Variants in ZNF112 observed in about 807,000 individuals in gnomAD.
The protein encoded by ZNF112 is zinc finger protein 112 (Y14).
Under a neutral mutation model 77.7 loss-of-function variants are expected in ZNF112, and 37 were observed. That is an observed-to-expected ratio of 0.48 (90% CI 0.37 to 0.63). The LOEUF is 0.63. Among genes scored for constraint, ZNF112 ranks in the 20% least tolerant of loss-of-function variants. The pLI is 0.00. For missense variants in ZNF112, 950 were observed against 1,077.4 expected (o/e 0.88, Z 1.66); for synonymous variants, 333 against 363.6 (o/e 0.92, Z 0.96).
rs144272607 is a variant in ZNF112 at position 44,333,749 on chromosome 19, T to C, written c.220+2874A>G. On this transcript the variant is annotated intron_variant, in intron 3 of 3. Coordinates refer to ENST00000354340, the MANE Select transcript of ZNF112 (RefSeq NM_013380.4). ...CCAGCCATGCTTCCTGTATAGCCTA[T>C]GGAACCATGAGTCAATTAAACCTCT... Among the ~76,000 whole-genome samples the C allele has an allele frequency of 6.6e-3, 1,002 of 152,330 alleles. 9 individuals carry two copies. Among genetic ancestry groups the C allele is most frequent in the Non-Finnish European group, 0.011 (747 of 68,020 alleles).
rs139847314 is a variant in ZNF112, at chr19:44,330,575, A to C, written c.221-639T>G. On this transcript the variant is annotated intron_variant, in intron 3 of 3. Coordinates refer to ENST00000354340, the MANE Select transcript of ZNF112 (RefSeq NM_013380.4). ...ACATGGTGAAACCCCATCTCTACTA[A>C]AAGTACAAAAATTAGCCAGGCGTGG... 1.3e-3 allele frequency among the ~76,000 whole-genome samples: 197 copies of C among 152,244 alleles called. 3 individuals are homozygous for C. The East Asian group carries it at 0.034, about 27-fold the overall frequency.
Position 44,329,285 on chromosome 19 carries a change from T to C in ZNF112, c.872A>G (p.Tyr291Cys), listed in dbSNP as rs1239622199. Residue 291 changes from tyrosine (Y) to cysteine (C), a missense_variant, in exon 4 of 4, where the codon TAT becomes TGT. Around this residue, in one of 3 missense-constraint regions of ZNF112, gnomAD observed 560 missense variants for 557.3 expected, o/e 1.00. Transcript: ENST00000354340. ...TTGATGAATATGAAGAAGTGAACTATAATTACAGCCCTTTCCACATGAACT... is the reference window on the plus strand; with the variant it reads ...TTGATGAATATGAAGAAGTGAACTACAATTACAGCCCTTTCCACATGAACT... Reference protein sequence around the residue: ...TYSSCGKGCNYSSLLHIHQNI... With the variant: ...TYSSCGKGCNCSSLLHIHQNI... 2 of 1,614,022 alleles carry C rather than the reference T, an allele frequency of 1.2e-6. No homozygotes were observed. The highest frequency in any genetic ancestry group is 1.7e-6 in the Non-Finnish European group (2 of 1,179,990).
Position 44,327,834 on chromosome 19 carries a change from C to A in ZNF112, c.2323G>T (p.Val775Leu). 1 of 1,614,004 alleles carries A rather than the reference C, an allele frequency of 6.2e-7. No homozygotes were observed. The highest frequency in any genetic ancestry group is 8.5e-7 in the Non-Finnish European group (1 of 1,179,910). ...HTGGKPYKCE[V>L]CTKGFSESSR... The stretch of plus-strand genomic sequence containing the variant: ...CTCTCACTGAAACCCTTTGTACACA[C>A]CTCACATTTGTATGGTTTCCCTCCT... Residue 775 changes from valine to leucine, a missense_variant, in exon 4 of 4, where the codon GTG (valine) becomes TTG (leucine). Coordinates refer to ENST00000354340, the MANE Select transcript of ZNF112 (RefSeq NM_013380.4).
intron 1 of ZNF112, among the ~76,000 whole-genome samples, chr19:44,349,834 A>C (rs2123202309): frequency 6.6e-6 from 1 of 152,208 alleles, no homozygotes; most frequent in South Asian, 2.1e-4. Context: ...CTGCTCTAAG[A>C]GTTGAGGACA....
At chr19:44,354,581 C>A (rs999941546) in intron 1 of ZNF112, among the ~76,000 whole-genome samples, 2 of 151,936 alleles carry the variant, frequency 1.3e-5, no homozygotes, top group Non-Finnish European at 2.9e-5. Flanking sequence ...AGGAATATAT[C>A]CAGGGGTTAT....
chr19:44,333,051 C>A (rs1970298753), intron 3 of ZNF112, among the ~76,000 whole-genome samples: 1 of 152,098 alleles, frequency 6.6e-6, no homozygotes, highest in South Asian at 2.1e-4. Flanking sequence ...ACAAAAGATG[C>A]CGAAGACATC....
chr19:44,361,047 A>G (rs149119609), upstream of ZNF112, among the ~76,000 whole-genome samples: 3,389 of 152,324 alleles, frequency 0.022, 126 homozygotes, highest in African/African-American at 0.077. Context: ...ATGCAATACC[A>G]TGATGACTCC....
At position 44,328,799 on chromosome 19, in the gene ZNF112, T is replaced by C; in HGVS notation, c.1358A>G (p.Gln453Arg). 6.2e-7 allele frequency: 1 copy of C among 1,614,110 alleles called. No individual in the cohort carries two copies. The highest frequency in any genetic ancestry group is 2.2e-5 in the East Asian group (1 of 44,880). ...GNGFSLASHF[Q>R]DLQIVHTKEQ... The stretch of plus-strand genomic sequence containing the variant: ...CTTAGTGTGGACTATCTGAAGGTCC[T>C]GAAAATGTGAGGCCAGACTGAAGCC... Residue 453 changes from glutamine to arginine, a missense_variant, in exon 4 of 4, where the codon CAG becomes CGG. Coordinates refer to ENST00000354340, the MANE Select transcript of ZNF112 (RefSeq NM_013380.4).
intron 1 of ZNF112, among the ~76,000 whole-genome samples, chr19:44,353,817 T>C (rs1568676938): frequency 2.0e-5 from 3 of 152,122 alleles, no homozygotes; most frequent in African/African-American, 7.2e-5. Context: ...TACTACAGTT[T>C]GGCATCTTAT....
chr19:44,334,976 G>A lies in ZNF112; in HGVS notation c.220+1647C>T, dbSNP rs193297789. ...GTGGAGCTGTGAGAAGAGGGCCACC[G>A]TCCTCCAGACCCCAGACCCACCAAC... is the stretch of plus-strand genomic sequence containing the variant. On this transcript the variant is annotated intron_variant, in intron 3 of 3. Transcript: ENST00000354340. 8.5e-5 allele frequency among the ~76,000 whole-genome samples: 13 copies of A among 152,314 alleles called. No individual in the cohort carries two copies. The East Asian group carries it at 1.4e-3, about 16-fold the overall frequency.
At chr19:44,348,499 G>T (rs1261293380) in intron 1 of ZNF112, among the ~76,000 whole-genome samples, 2 of 151,756 alleles carry the variant, frequency 1.3e-5, no homozygotes, top group Admixed American at 1.3e-4. Flanking sequence ...TTTTACTTCA[G>T]ATGTTATCTT....
In ZNF112 at chr19:44,327,210, C is replaced by G. The variant is rs932247651; in HGVS notation, c.*223G>C. Reference sequence around the variant, plus strand: ...ACTGTACTTTTATTAAATTCCTGACCATACTCATATTTTATAAGCCTTAGC... The same window carrying G: ...ACTGTACTTTTATTAAATTCCTGACGATACTCATATTTTATAAGCCTTAGC... On this transcript the variant is annotated 3_prime_UTR_variant, in exon 4 of 4. Transcript: ENST00000354340. 5 of 455,122 alleles carry G rather than the reference C, an allele frequency of 1.1e-5. No individual in the cohort carries two copies. Among genetic ancestry groups the G allele is most frequent in the African/African-American group, 9.8e-5 (5 of 51,028 alleles). 28.2% of individuals were successfully genotyped at this position (455,122 alleles called of 1,614,324 possible). A position where few individuals can be genotyped will look rare whatever the true frequency, so the allele number is the denominator to read the frequency against.
chr19:44,336,202 G>A (rs1970362021), intron 3 of ZNF112, among the ~76,000 whole-genome samples: 1 of 152,182 alleles, frequency 6.6e-6, no homozygotes, highest in South Asian at 2.1e-4. Context: ...TCCATCAGAT[G>A]AGAAACAGTA....
At chr19:44,342,801 C>T (rs758212837) in intron 1 of ZNF112, among the ~76,000 whole-genome samples, 1 of 145,414 alleles carries the variant, frequency 6.9e-6, no homozygotes. Flanking sequence ...GGCAACAGAG[C>T]GAGACTCCAT....
chr19:44,341,015 G>C (rs1970479481), intron 1 of ZNF112: 6 of 395,086 alleles, frequency 1.5e-5, no homozygotes, highest in Non-Finnish European at 3.0e-5. Context: ...TCTGGAGCCT[G>C]ACTGCCTGTG....
chr19:44,340,532 G>T lies in ZNF112; in HGVS notation c.8C>A (p.Thr3Lys). 6.2e-7 allele frequency: 1 copy of T among 1,613,976 alleles called. No individual in the cohort carries two copies. Among genetic ancestry groups the T allele is most frequent in the Non-Finnish European group, 8.5e-7 (1 of 1,179,940 alleles). The change falls in exon 2 of 4, where the codon ACA (threonine) becomes AAA (lysine). Residue 3 changes from threonine (T) to lysine (K), a missense_variant. Transcript: ENST00000354340. MV[T>K]FKDVAVVFTE... is the part of the protein sequence containing the mutation. ...GAAGACCACAGCAACATCCTTGAAT[G>T]TCACCATCTCCTACAATGCCAAACA...
intron 1 of ZNF112, among the ~76,000 whole-genome samples, chr19:44,342,397 T>C (rs1970506423): frequency 6.6e-6 from 1 of 152,204 alleles, no homozygotes. Flanking sequence ...TAGAACATTA[T>C]GGACAAATAA....
chr19:44,347,518 C>T (rs1262701526), intron 1 of ZNF112, among the ~76,000 whole-genome samples: 1 of 77,270 alleles, frequency 1.3e-5, no homozygotes. Context: ...CTATTCCATT[C>T]ATTGTATCTA....
At chr19:44,347,569 GT>G (rs1415540157) in intron 1 of ZNF112, among the ~76,000 whole-genome samples, 5 of 129,556 alleles carry the variant, frequency 3.9e-5, no homozygotes, top group African/African-American at 8.7e-5. Context: ...TTTTCCAGTG[GT>G]TGCTCTAGGG....
Sources: gnomAD v4.1 joint callset for allele counts (sites outside exome capture counted in the v4.1 genomes callset) on GRCh38, gnomAD v4.1.1 for gene constraint, gnomAD v4.1.1 regional missense constraint, MANE v1.5 for transcripts, NCBI Gene and HGNC (gene_info 2026-07-23, HGNC 2026-07-21) for gene names.